The following NRXN1 variants were observed in gnomAD, a reference collection of about 807,000 sequenced individuals.
The protein encoded by NRXN1 is neurexin 1, also known as neurexin-1.
NRXN1 carries 39 observed loss-of-function variants against 150.9 expected under a neutral mutation model. The observed-to-expected ratio is 0.26, with a 90% CI of 0.20 to 0.34. The LOEUF (loss-of-function observed/expected upper bound fraction) is 0.34, where lower values mean the gene tolerates loss of function less well. Among genes scored for constraint, NRXN1 ranks in the 10% least tolerant of loss-of-function variants. The pLI, the probability that NRXN1 is intolerant of heterozygous loss-of-function variation, is 1.00. For missense variants in NRXN1, 1,815 were observed against 1,949.9 expected, an observed-to-expected ratio of 0.93 and a Z score of 1.30; for synonymous variants, 924 against 757.0, an observed-to-expected ratio of 1.22 and a Z score of -3.62.
chr2:50,813,085 A>G (rs1668450468), intron 5 of NRXN1, among the ~76,000 whole-genome samples: 1 of 152,022 alleles, frequency 6.6e-6, no homozygotes. Flanking sequence ...TCCCAGCTAC[A>G]TGGGAGGCTG....
At chr2:50,503,060 T>C (rs558636727) in intron 13 of NRXN1, among the ~76,000 whole-genome samples, 6 of 152,076 alleles carry the variant, frequency 3.9e-5, no homozygotes, top group Non-Finnish European at 8.8e-5. Flanking sequence ...GTAATCCCGG[T>C]ACTTTGGGAG....
At chr2:50,164,704 C>T (rs1469891789) in intron 18 of NRXN1, among the ~76,000 whole-genome samples, 1 of 152,134 alleles carries the variant, frequency 6.6e-6, no homozygotes, top group Non-Finnish European at 1.5e-5. Context: ...CCGCCTAATC[C>T]TCCTTCCCTA....
chr2:50,241,366 C>T (rs531134306), intron 17 of NRXN1, among the ~76,000 whole-genome samples: 1 of 151,838 alleles, frequency 6.6e-6, no homozygotes, highest in East Asian at 1.9e-4. Context: ...ACATCTTAAT[C>T]ACAGTTCCAA....
chr2:50,438,731 T>C (rs773644111), intron 17 of NRXN1, among the ~76,000 whole-genome samples: 1 of 152,234 alleles, frequency 6.6e-6, no homozygotes, highest in Admixed American at 6.5e-5. Flanking sequence ...ATAAATGTTT[T>C]ATTAATAATC....
chr2:49,945,351 C>T (rs1032618195), intron 21 of NRXN1: 1 of 150,890 alleles, frequency 6.6e-6, no homozygotes, highest in Non-Finnish European at 1.5e-5. Flanking sequence ...TGCTAACTCC[C>T]CTTTCATTCC....
intron 13 of NRXN1, among the ~76,000 whole-genome samples, chr2:50,502,804 TG>T (rs1165777571): frequency 6.6e-6 from 1 of 152,064 alleles, no homozygotes; most frequent in Non-Finnish European, 1.5e-5. Context: ...TTTACATGTA[TG>T]TTTGGGTGTA....
intron 2 of NRXN1, among the ~76,000 whole-genome samples, chr2:50,987,299 A>C (rs1195627182): frequency 6.6e-6 from 1 of 151,934 alleles, no homozygotes; most frequent in Non-Finnish European, 1.5e-5. Context: ...CAATAAAATA[A>C]AGATTGCACC....
rs1308065978 is a variant in NRXN1, at chr2:50,357,308, T to TA, written c.3364+108133_3364+108134insT. Among the ~76,000 whole-genome samples, 1,164 of 144,540 alleles carry TA rather than the reference T, an allele frequency of 8.1e-3. 14 individuals carry two copies. The highest frequency in any genetic ancestry group is 0.031 in the African/African-American group (1,119 of 36,480). 94.8% of individuals were successfully genotyped at this position (144,540 alleles called of 152,430 possible). A position where few individuals can be genotyped will look rare whatever the true frequency, so the allele number is the denominator to read the frequency against. ...TACATTTATTTATTTATTTATTTTTTTTTTTATTTATTATTTTGAGACAAA... is the reference window on the plus strand; with the variant it reads ...TACATTTATTTATTTATTTATTTTTTATTTTTATTTATTATTTTGAGACAAA... On this transcript the variant is annotated intron_variant, in intron 17 of 22. Coordinates refer to ENST00000401669, the MANE Select transcript of NRXN1 (RefSeq NM_001330078.2).
At chr2:50,401,491 A>C (rs1404057382) in intron 17 of NRXN1, among the ~76,000 whole-genome samples, 3 of 152,070 alleles carry the variant, frequency 2.0e-5, no homozygotes, top group Non-Finnish European at 4.4e-5. Flanking sequence ...TAAGTGGCCC[A>C]TAAAACTAAA....
chr2:50,464,586 T>C (rs2088614953), intron 17 of NRXN1: 1 of 151,984 alleles, frequency 6.6e-6, no homozygotes, highest in South Asian at 2.1e-4. Context: ...GCATCTTCTA[T>C]TCCATCATCC....
At chr2:50,882,887 T>C (rs887806136) in intron 5 of NRXN1, among the ~76,000 whole-genome samples, 4 of 151,872 alleles carry the variant, frequency 2.6e-5, no homozygotes, top group African/African-American at 7.2e-5. Flanking sequence ...ATAAAAAAGA[T>C]ATACAGTTTT....
intron 17 of NRXN1, among the ~76,000 whole-genome samples, chr2:50,411,216 C>T (rs1040221188): frequency 2.0e-5 from 3 of 152,190 alleles, no homozygotes; most frequent in East Asian, 3.9e-4. Context: ...TTGGTGGAGA[C>T]GGGGTTTCGC....
rs1464819847 is a variant in NRXN1 at position 49,918,800 on chromosome 2, T to TTTAC, written c.*3140_*3143dup. On this transcript the variant is annotated 3_prime_UTR_variant, in exon 23 of 23. Transcript: ENST00000401669. ...GGTCTTCCCTTCAAATGCAGCCTTCTTTACTTTCCCACTTAAGCACGAAAT... is the reference window on the plus strand; with the variant it reads ...GGTCTTCCCTTCAAATGCAGCCTTCTTTACTTACTTTCCCACTTAAGCACGAAAT... 1 of 152,150 alleles carries TTTAC rather than the reference T, an allele frequency of 6.6e-6. No individual in the cohort carries two copies. Among genetic ancestry groups the TTTAC allele is most frequent in the African/African-American group, 2.4e-5 (1 of 41,442 alleles). The allele number at this position is 152,150 out of a possible 1,614,324, so 9.4% of individuals were successfully genotyped here. A position where few individuals can be genotyped will look rare whatever the true frequency, so the allele number is the denominator to read the frequency against.
At chr2:50,990,247 C>T (rs573892818) in intron 2 of NRXN1, among the ~76,000 whole-genome samples, 30 of 152,010 alleles carry the variant, frequency 2.0e-4, no homozygotes, top group African/African-American at 6.7e-4. Context: ...TCTTCTATCT[C>T]TTGAGTTTTC....
At chr2:50,071,414 A>G (rs1182197563) in intron 19 of NRXN1, among the ~76,000 whole-genome samples, 1 of 152,172 alleles carries the variant, frequency 6.6e-6, no homozygotes, top group Non-Finnish European at 1.5e-5. Context: ...GAGGTGATTA[A>G]GTTAAAATGA....
intron 17 of NRXN1, among the ~76,000 whole-genome samples, chr2:50,326,761 A>G (rs1039154725): frequency 2.6e-5 from 4 of 152,178 alleles, no homozygotes; most frequent in African/African-American, 9.6e-5. Flanking sequence ...TAAAGGGTAT[A>G]TTTTGTAATT....
intron 17 of NRXN1, among the ~76,000 whole-genome samples, chr2:50,378,906 CACTT>C (rs562980422): frequency 1.2e-4 from 19 of 152,072 alleles, no homozygotes; most frequent in Non-Finnish European, 2.4e-4. Flanking sequence ...ACTTTTCTCT[CACTT>C]ACATAATTTT....
At chr2:50,414,690 C>T (rs866513452) in intron 17 of NRXN1, among the ~76,000 whole-genome samples, 2 of 151,750 alleles carry the variant, frequency 1.3e-5, no homozygotes, top group Admixed American at 1.3e-4. Flanking sequence ...AAATGATAAG[C>T]TTAAAAGAAA....
intron 5 of NRXN1, among the ~76,000 whole-genome samples, chr2:50,837,469 G>C (rs953366183): frequency 2.0e-5 from 3 of 152,032 alleles, no homozygotes; most frequent in African/African-American, 4.8e-5. Flanking sequence ...CATTTGTTGA[G>C]ACTCATTTTC....
Sources: allele counts gnomAD v4.1 joint callset (sites outside exome capture counted in the v4.1 genomes callset), GRCh38; gene constraint gnomAD v4.1.1; transcripts MANE v1.5; gene names NCBI Gene and HGNC (gene_info 2026-07-23, HGNC 2026-07-21).